Variants in PLP1 observed in about 807,000 individuals in gnomAD.
The protein encoded by PLP1 is myelin proteolipid protein.
In PLP1, 2 loss-of-function variants were observed where a neutral mutation model predicts 18.5. The ratio of observed to expected loss-of-function variants is 0.11; its 90% CI spans 0.04 to 0.34. The LOEUF (loss-of-function observed/expected upper bound fraction) is 0.34, where lower values mean the gene tolerates loss of function less well. Among genes scored for constraint, PLP1 ranks in the 10% least tolerant of loss-of-function variants. PLP1 has a pLI of 1.00. For synonymous variants in PLP1, 86 were observed against 83.2 expected, an observed-to-expected ratio of 1.03 and a Z score of -0.19; for missense variants, 105 against 207.3, an observed-to-expected ratio of 0.51 and a Z score of 3.03.
rs766835727 is a variant in PLP1 at position 103,776,958 on chromosome X, A to T, written c.-38A>T. Reference sequence around the variant, plus strand: ...AACAAAGTCAGCCACAAAGCAGACTAGCCAGCCGGCTACAATTGGAGTCAG... The same window carrying T: ...AACAAAGTCAGCCACAAAGCAGACTTGCCAGCCGGCTACAATTGGAGTCAG... On this transcript the variant is annotated 5_prime_UTR_variant, in exon 1 of 7. Coordinates refer to ENST00000621218, the MANE Select transcript of PLP1 (RefSeq NM_000533.5). 8.4e-7 allele frequency: 1 copy of T among 1,196,189 alleles called. No individual in the cohort carries two copies. Among genetic ancestry groups the T allele is most frequent in the African/African-American group, 1.7e-5 (1 of 57,586 alleles).
At position 103,785,762 on chromosome X, in the gene PLP1, T is replaced by C; in HGVS notation, c.185T>C (p.Ile62Thr). 4 of 1,203,550 alleles carry C rather than the reference T, an allele frequency of 3.3e-6. No homozygotes were observed. Among genetic ancestry groups the C allele is most frequent in the Non-Finnish European group, 1.1e-6 (1 of 887,981 alleles). The change falls in exon 2 of 7, where the codon ATC becomes ACC. Residue 62 changes from isoleucine (I) to threonine (T), a missense_variant. Coordinates refer to ENST00000621218, the MANE Select transcript of PLP1 (RefSeq NM_000533.5). ...AACTACCAAGACTATGAGTATCTCA[T>C]CAATGTGTAAGTACCTGCCCTCCCA... ...SKNYQDYEYL[I>T]NVIHAFQYVI...
At chrX:103,789,135 G>T (rs767026503) in intron 5 of PLP1, 198 bp from the exon 6 acceptor site, 1 of 474,925 alleles carries the variant, frequency 2.1e-6, no homozygotes, top group Non-Finnish European at 3.8e-6. Context: ...CTGTGATCTG[G>T]GTGTTAATGG....
rs1248454370 is a variant in PLP1, at chrX:103,791,980, G to A, written c.*1382G>A. On this transcript the variant is annotated 3_prime_UTR_variant, in exon 7 of 7. Transcript: ENST00000621218. ...TTTAACATAAAGGTTATTTTCTCCT[G>A]ATATAGATCACATAACAGAATGCAC... The A allele has an allele frequency of 8.9e-6, 1 of 111,802 alleles. No homozygotes were observed. The highest frequency in any genetic ancestry group is 3.3e-5 in the African/African-American group (1 of 30,690). The allele number at this position is 111,802 out of a possible 1,213,427, so 9.2% of individuals were successfully genotyped here.
In PLP1 at chrX:103,783,128, T is replaced by C. The variant is rs148415197; in HGVS notation, c.5-2454T>C. On this transcript the variant is annotated intron_variant, in intron 1 of 6. Coordinates refer to ENST00000621218, the MANE Select transcript of PLP1 (RefSeq NM_000533.5). The stretch of plus-strand genomic sequence containing the variant: ...CTTAACCTGTTGAGAAAGAGGAAGA[T>C]CAATTTCTGGAATGTTTTCTGAGAA... 8.0e-3 allele frequency among the ~76,000 whole-genome samples: 899 copies of C among 111,801 alleles called. 6 individuals carry two copies. The highest frequency in any genetic ancestry group is 0.028 in the African/African-American group (850 of 30,786).
At chrX:103,788,238 A>G (rs2074515143) in intron 4 of PLP1, among the ~76,000 whole-genome samples, 199 bp from the exon 5 acceptor site, 1 of 111,915 alleles carries the variant, frequency 8.9e-6, no homozygotes, top group Admixed American at 9.5e-5. Context: ...CATTTCAATA[A>G]CAAACACAAG....
In PLP1 at chrX:103,789,706, G is replaced by A. The variant is rs374607413; in HGVS notation, c.762+308G>A. 8.1e-5 allele frequency among the ~76,000 whole-genome samples: 9 copies of A among 111,609 alleles called. No homozygotes were observed. The East Asian group carries it at 2.0e-3, about 24-fold the overall frequency. ...CAAGTACTTTGCAGTCATAAATTAC[G>A]GTTAATTCTCAATACATTTTGATCA... On this transcript the variant is annotated intron_variant, in intron 6 of 6. Transcript: ENST00000621218.
At chrX:103,780,435 C>G (rs868558502) in intron 1 of PLP1, among the ~76,000 whole-genome samples, 2,225 of 68,338 alleles carry the variant, frequency 0.033, 64 homozygotes, top group African/African-American at 0.14. Flanking sequence ...CATTCTGTCT[C>G]TCTCTGTGTG....
At chrX:103,783,655 T>C (rs918845086) in intron 1 of PLP1, among the ~76,000 whole-genome samples, 10 of 112,054 alleles carry the variant, frequency 8.9e-5, no homozygotes, top group African/African-American at 2.9e-4. Flanking sequence ...TGTAAATCAC[T>C]AGGTATTCAT....
chrX:103,779,432 G>A (rs2074434869), intron 1 of PLP1, among the ~76,000 whole-genome samples: 1 of 111,847 alleles, frequency 8.9e-6, no homozygotes, highest in Non-Finnish European at 1.9e-5. Context: ...AAGACTAACT[G>A]AGTCCCATCA....
At chrX:103,781,280 C>T (rs1457320384) in intron 1 of PLP1, 1 of 325,435 alleles carries the variant, frequency 3.1e-6, no homozygotes, top group Non-Finnish European at 6.0e-6. Context: ...TCAGGATCAA[C>T]ACAGTCCCTT....
At chrX:103,783,456 T>G (rs955870902) in intron 1 of PLP1, among the ~76,000 whole-genome samples, 8 of 112,435 alleles carry the variant, frequency 7.1e-5, no homozygotes, top group Non-Finnish European at 1.3e-4. Flanking sequence ...GGCTTGGGCT[T>G]CTGAGGCTCA....
At chrX:103,777,022 T>C (rs547192841) in intron 1 of PLP1, 23 bp downstream of exon 1, 34 of 1,182,200 alleles carry the variant, frequency 2.9e-5, no homozygotes, top group South Asian at 2.9e-4. Context: ...AACTTTAGCA[T>C]TGAAGATTCA....
upstream of PLP1, chrX:103,776,637 C>T (rs749163852): frequency 1.2e-4 from 28 of 234,682 alleles, no homozygotes; most frequent in African/African-American, 7.1e-4. Context: ...TGCAGCAAAG[C>T]GAAATTCCAG....
rs185421252 is a variant in PLP1 at position 103,781,496 on chromosome X, T to C, written c.5-4086T>C. ...ATTTTGCCCACACAACTTCGTTATA[T>C]CCATTTTAACACTTGCTTATAGGTA... On this transcript the variant is annotated intron_variant, in intron 1 of 6. Transcript: ENST00000621218. Among the ~76,000 whole-genome samples the C allele has an allele frequency of 9.8e-5, 11 of 112,456 alleles. No homozygotes were observed. The Admixed American group carries it at 1.0e-3, about 11-fold the overall frequency.
rs760386490 is a variant in PLP1 at position 103,785,818 on chromosome X, A to T, written c.191+50A>T. ...ACCCATCTTTTTTTTCCCTCTCTCCATCCTGGAGATAGAGAACTCTTCAGT... is the reference window on the plus strand; with the variant it reads ...ACCCATCTTTTTTTTCCCTCTCTCCTTCCTGGAGATAGAGAACTCTTCAGT... On this transcript the variant is annotated intron_variant, in intron 2 of 6. Transcript: ENST00000621218. 3 of 1,054,154 alleles carry T rather than the reference A, an allele frequency of 2.8e-6. No individual in the cohort carries two copies. In the South Asian group the frequency reaches 5.6e-5, roughly 20 times the overall value. The allele number at this position is 1,054,154 out of a possible 1,213,427, so 86.9% of individuals were successfully genotyped here.
intron 1 of PLP1, among the ~76,000 whole-genome samples, chrX:103,785,351 A>T (rs2074485762): frequency 8.9e-6 from 1 of 112,762 alleles, no homozygotes; most frequent in Admixed American, 9.3e-5. Context: ...TGCTGGGATT[A>T]CAGGCATGAG....
chrX:103,788,998 TC>T, intron 5 of PLP1: 2 of 337,911 alleles, frequency 5.9e-6, no homozygotes, highest in Admixed American at 9.4e-5. Flanking sequence ...TAAAAGTAAA[TC>T]CGGGGGAGAC....
At position 103,791,992 on chromosome X, in the gene PLP1, A is replaced by G. The variant is rs1012745193; in HGVS notation, c.*1394A>G. The G allele has an allele frequency of 6.2e-5, 7 of 112,141 alleles. No homozygotes were observed. Among genetic ancestry groups the G allele is most frequent in the African/African-American group, 2.3e-4 (7 of 30,818 alleles). 9.2% of individuals were successfully genotyped at this position (112,141 alleles called of 1,213,427 possible). A position where few individuals can be genotyped will look rare whatever the true frequency, so the allele number is the denominator to read the frequency against. ...GTTATTTTCTCCTGATATAGATCAC[A>G]TAACAGAATGCACCAGTCATCAGCT... is the stretch of plus-strand genomic sequence containing the variant. On this transcript the variant is annotated 3_prime_UTR_variant, in exon 7 of 7. Coordinates refer to ENST00000621218, the MANE Select transcript of PLP1 (RefSeq NM_000533.5).
At position 103,786,580 on chromosome X, in the gene PLP1, G is replaced by A; in HGVS notation, c.307G>A (p.Asp103Asn). The change falls in exon 3 of 7, where the codon GAC becomes AAC. Residue 103 changes from aspartate to asparagine, a missense_variant. Asp to Asn is a conservative substitution (Grantham distance 23). Transcript: ENST00000621218. ...TTGAVRQIFG[D>N]YKTTICGKGL... is the part of the protein sequence containing the mutation. The stretch of plus-strand genomic sequence containing the variant: ...CGGCGCAGTCAGGCAGATCTTTGGC[G>A]ACTACAAGACCACCATCTGCGGCAA... 2 of 1,211,665 alleles carry A rather than the reference G, an allele frequency of 1.7e-6. No individual in the cohort carries two copies. The highest frequency in any genetic ancestry group is 2.2e-6 in the Non-Finnish European group (2 of 895,463).
Sources: gnomAD v4.1 joint callset for allele counts (sites outside exome capture counted in the v4.1 genomes callset) on GRCh38, gnomAD v4.1.1 for gene constraint, MANE v1.5 for transcripts, NCBI Gene and HGNC (gene_info 2026-07-23, HGNC 2026-07-21) for gene names.